The following ACSBG1 variants were observed in gnomAD, a reference collection of about 807,000 sequenced individuals.
ACSBG1 encodes the protein acyl-CoA synthetase bubblegum family member 1, also known as long-chain-fatty-acid--CoA ligase ACSBG1.
In ACSBG1, 39 loss-of-function variants were observed where a neutral mutation model predicts 80.2. The ratio of observed to expected loss-of-function variants is 0.49; its 90% CI spans 0.38 to 0.64. The LOEUF is 0.64. ACSBG1 is among the 30% of genes least tolerant of loss of function. ACSBG1 has a pLI of 0.00. For synonymous variants in ACSBG1, 392 were observed against 379.5 expected (o/e 1.03, Z -0.38); for missense variants, 828 against 966.4 (o/e 0.86, Z 1.90).
intron 1 of ACSBG1, among the ~76,000 whole-genome samples, chr15:78,228,605 T>A (rs934116050): frequency 4.6e-5 from 7 of 152,182 alleles, no homozygotes; most frequent in Non-Finnish European, 1.0e-4. Context: ...TCGGAAGTTA[T>A]CCAGATCCGT....
In ACSBG1 at chr15:78,234,479, C is replaced by A; in HGVS notation, c.23G>T (p.Gly8Val). The change falls in exon 1 of 14, where the codon GGA (glycine) becomes GTA (valine). Residue 8 changes from glycine to valine, a missense_variant. By Grantham distance (109) the Gly-to-Val change is moderately radical. Coordinates refer to ENST00000258873, the MANE Select transcript of ACSBG1 (RefSeq NM_015162.5). MPRNSGA[G>V]YGCPHGDPSM... ...GGGGTCCCCGTGTGGGCAGCCGTAT[C>A]CAGCTCCAGAATTGCGTGGCATCTG... 1 of 1,612,178 alleles carries A rather than the reference C, an allele frequency of 6.2e-7. No homozygotes were observed. Among genetic ancestry groups the A allele is most frequent in the Non-Finnish European group, 8.5e-7 (1 of 1,180,010 alleles).
At chr15:78,179,846 C>CAT in intron 9 of ACSBG1, 66 bp from the exon 10 acceptor site, 3 of 1,096,630 alleles carry the variant, frequency 2.7e-6, no homozygotes, top group South Asian at 3.9e-5. Flanking sequence ...CACACACATA[C>CAT]ACACATTAAA....
rs562262179 is a variant in ACSBG1, at chr15:78,206,607, C to A, written c.232+1395G>T. Among the ~76,000 whole-genome samples, 18 of 152,226 alleles carry A rather than the reference C, an allele frequency of 1.2e-4. No homozygotes were observed. The South Asian group carries it at 3.7e-3, about 32-fold the overall frequency. ...GTTGCCCACCCAGGCCCTGCCTCGC[C>A]ATTAAACTCAGGGCCTTCTCCCTGT... On this transcript the variant is annotated intron_variant, in intron 2 of 13. Coordinates refer to ENST00000258873, the MANE Select transcript of ACSBG1 (RefSeq NM_015162.5).
intron 4 of ACSBG1, 56 bp from the exon 5 acceptor site, chr15:78,193,682 T>TACC: frequency 6.4e-6 from 10 of 1,560,240 alleles, no homozygotes; most frequent in East Asian, 2.3e-5. Context: ...GCCACCCCCT[T>TACC]CCCCCACCCC....
At chr15:78,209,375 C>A (rs1182536237) in intron 1 of ACSBG1, 4 of 417,026 alleles carry the variant, frequency 9.6e-6, no homozygotes, top group Non-Finnish European at 1.5e-5. Context: ...GCCTGGGCCA[C>A]AGGCCTGGAG....
At chr15:78,225,251 A>T (rs2075390090) in intron 1 of ACSBG1, among the ~76,000 whole-genome samples, 1 of 151,970 alleles carries the variant, frequency 6.6e-6, no homozygotes, top group Non-Finnish European at 1.5e-5. Flanking sequence ...ATTACAAAAA[A>T]TTAGCCAGGC....
chr15:78,171,590 G>T, intron 13 of ACSBG1, 61 bp from the exon 14 acceptor site: 1 of 1,412,394 alleles, frequency 7.1e-7, no homozygotes, highest in Non-Finnish European at 1.0e-6. Context: ...GAGAATGTGT[G>T]TGGTAAAGAC....
At chr15:78,190,246 C>T (rs947819350) in intron 5 of ACSBG1, among the ~76,000 whole-genome samples, 3 of 151,508 alleles carry the variant, frequency 2.0e-5, no homozygotes, top group African/African-American at 7.3e-5. Flanking sequence ...CTTGTCTCTA[C>T]AAAAAATACA....
In ACSBG1 at chr15:78,217,727, C is replaced by T. The variant is rs1333767196; in HGVS notation, c.132-9625G>A. Among the ~76,000 whole-genome samples, 6 of 152,176 alleles carry T rather than the reference C, an allele frequency of 3.9e-5. No homozygotes were observed. The South Asian group carries it at 6.2e-4, about 16-fold the overall frequency. Reference sequence around the variant, plus strand: ...GATTACAGGCACACGCCACCACACCCGGCTAATTTTTGTATTTTTAGTAGA... The same window carrying T: ...GATTACAGGCACACGCCACCACACCTGGCTAATTTTTGTATTTTTAGTAGA... On this transcript the variant is annotated intron_variant, in intron 1 of 13. Transcript: ENST00000258873.
intron 1 of ACSBG1, among the ~76,000 whole-genome samples, chr15:78,217,225 C>T (rs1017083272): frequency 2.0e-5 from 3 of 152,216 alleles, no homozygotes; most frequent in Admixed American, 6.5e-5. Context: ...ACCAGCACTG[C>T]GTCTCAGACA....
intron 1 of ACSBG1, among the ~76,000 whole-genome samples, chr15:78,229,761 T>C (rs1029844149): frequency 3.3e-5 from 5 of 152,260 alleles, no homozygotes; most frequent in South Asian, 2.1e-4. Flanking sequence ...TCACTGCTGC[T>C]AGATTCACAA....
intron 2 of ACSBG1, 130 bp downstream of exon 2, chr15:78,207,872 C>G: frequency 1.4e-6 from 1 of 727,282 alleles, no homozygotes; most frequent in Admixed American, 2.2e-5. Flanking sequence ...GAGCGTGGAA[C>G]CAGCAAGATC....
At chr15:78,199,136 CTTCT>C (rs776769175) in intron 2 of ACSBG1, among the ~76,000 whole-genome samples, 2 of 151,322 alleles carry the variant, frequency 1.3e-5, no homozygotes, top group Non-Finnish European at 2.9e-5. Context: ...TCCTTCCTTC[CTTCT>C]TTTTTTGAGA....
intron 8 of ACSBG1, 75 bp downstream of exon 8, chr15:78,181,894 C>T: frequency 1.3e-6 from 2 of 1,546,910 alleles, no homozygotes; most frequent in South Asian, 1.2e-5. Flanking sequence ...CACAAATGCA[C>T]TCAGGGCCCA....
At chr15:78,209,296 G>T (rs1335701549) in intron 1 of ACSBG1, 1 of 454,466 alleles carries the variant, frequency 2.2e-6, no homozygotes, top group Non-Finnish European at 4.4e-6. Context: ...TATGAAGGGA[G>T]GGGGACGGGG....
At chr15:78,233,552 T>C (rs910553956) in intron 1 of ACSBG1, among the ~76,000 whole-genome samples, 8 of 152,228 alleles carry the variant, frequency 5.3e-5, no homozygotes, top group Non-Finnish European at 5.9e-5. Flanking sequence ...GGTCGTTCTC[T>C]CTGCCCACTG....
rs759529465 is a variant in ACSBG1, at chr15:78,174,528, G to T, written c.1703-4C>A. ...CCACCAGCTGTGATGATTAATTCTG[G>T]GGAGGCAAGGCCAGGCCCCCGGCAC... On this transcript the variant is annotated splice_polypyrimidine_tract_variant and splice_region_variant and intron_variant, in intron 11 of 13. Transcript: ENST00000258873. 6.2e-7 allele frequency: 1 copy of T among 1,613,202 alleles called. No individual in the cohort carries two copies. Among genetic ancestry groups the T allele is most frequent in the Admixed American group, 1.7e-5 (1 of 59,952 alleles).
At chr15:78,210,464 G>T (rs1023648490) in intron 1 of ACSBG1, among the ~76,000 whole-genome samples, 6 of 152,220 alleles carry the variant, frequency 3.9e-5, no homozygotes, top group African/African-American at 1.4e-4. Context: ...CTCACACAGA[G>T]TTATAACCAG....
intron 1 of ACSBG1, among the ~76,000 whole-genome samples, chr15:78,209,563 T>C (rs2075250270): frequency 6.6e-6 from 1 of 152,166 alleles, no homozygotes; most frequent in Non-Finnish European, 1.5e-5. Context: ...GATAGCCAGG[T>C]AGAAGCTGCC....
Sources: allele counts gnomAD v4.1 joint callset (sites outside exome capture counted in the v4.1 genomes callset), GRCh38; gene constraint gnomAD v4.1.1; transcripts MANE v1.5; gene names NCBI Gene and HGNC (gene_info 2026-07-23, HGNC 2026-07-21).